Variants in SMARCAL1 observed in about 807,000 individuals in gnomAD.
SMARCAL1 encodes the protein ATP-driven annealing helicase.
SMARCAL1 carries 58 observed loss-of-function variants against 94.5 expected under a neutral mutation model. The observed-to-expected ratio is 0.61, with a 90% confidence interval of 0.50 to 0.76. The LOEUF (loss-of-function observed/expected upper bound fraction) is 0.76. Among genes scored for constraint, SMARCAL1 ranks in the 30% least tolerant of loss-of-function variants. The pLI is 0.00. For synonymous variants in SMARCAL1, 422 were observed against 455.1 expected (o/e 0.93, Z 0.93); for missense variants, 1,051 against 1,177.9 (o/e 0.89, Z 1.58).
intron 10 of SMARCAL1, among the ~76,000 whole-genome samples, chr2:216,440,608 C>T (rs756751175): frequency 3.9e-5 from 6 of 152,168 alleles, no homozygotes; most frequent in South Asian, 2.1e-4. Flanking sequence ...CACGCTCTTC[C>T]GCAACGTTGA....
intron 10 of SMARCAL1, among the ~76,000 whole-genome samples, chr2:216,439,015 T>G (rs573847061): frequency 1.3e-5 from 2 of 152,266 alleles, no homozygotes; most frequent in African/African-American, 4.8e-5. Flanking sequence ...CGAGATACAC[T>G]GGCAAAGCTA....
At position 216,414,651 on chromosome 2, in the gene SMARCAL1, T is replaced by C. The variant is rs888871114; in HGVS notation, c.-54T>C. On this transcript the variant is annotated 5_prime_UTR_variant, in exon 3 of 18. Coordinates refer to ENST00000357276, the MANE Select transcript of SMARCAL1 (RefSeq NM_014140.4). ...TCTTCTTACTTTCTTCCACAGCTTT[T>C]GCCAACTTTCCAATTAAAGGTTGAC... 27 of 1,495,636 alleles carry C rather than the reference T, an allele frequency of 1.8e-5. No individual in the cohort carries two copies. The highest frequency in any genetic ancestry group is 1.0e-4 in the Admixed American group (6 of 59,724). The allele number at this position is 1,495,636 out of a possible 1,614,324, so 92.6% of individuals were successfully genotyped here.
rs16856144 is a variant in SMARCAL1, at chr2:216,438,741, C to T, written c.1710+256C>T. ...AGTGCTGCCTTTGTCTCTCGAAGGT[C>T]AAGACTGTTGAGGCTGGGTGGGCAT... is the stretch of plus-strand genomic sequence containing the variant. On this transcript the variant is annotated intron_variant, in intron 10 of 17. Transcript: ENST00000357276. 9.4e-3 allele frequency among the ~76,000 whole-genome samples: 1,437 copies of T among 152,192 alleles called. 34 individuals are homozygous for T. Among genetic ancestry groups the T allele is most frequent in the African/African-American group, 0.033 (1,357 of 41,522 alleles).
intron 1 of SMARCAL1, among the ~76,000 whole-genome samples, chr2:216,413,591 T>G (rs2106013035): frequency 6.6e-6 from 1 of 152,368 alleles, no homozygotes; most frequent in Admixed American, 6.5e-5. Flanking sequence ...CAGAGTAATT[T>G]TATTCTTTTT....
chr2:216,442,384 T>G (rs2106044766), intron 10 of SMARCAL1, among the ~76,000 whole-genome samples: 1 of 136,692 alleles, frequency 7.3e-6, no homozygotes, highest in Non-Finnish European at 1.5e-5. Context: ...ACCACTGCAC[T>G]CCAGCCTGAG....
intron 7 of SMARCAL1, among the ~76,000 whole-genome samples, chr2:216,431,010 T>C (rs1386251737): frequency 6.6e-6 from 1 of 152,222 alleles, no homozygotes; most frequent in Non-Finnish European, 1.5e-5. Context: ...CTCGGCTCCG[T>C]TCCTCCCCAG....
intron 4 of SMARCAL1, among the ~76,000 whole-genome samples, chr2:216,419,642 G>A (rs544279254): frequency 1.3e-4 from 20 of 152,202 alleles, no homozygotes; most frequent in African/African-American, 2.6e-4. Context: ...TGGCTTCTCC[G>A]ACACCGTGCC....
intron 14 of SMARCAL1, among the ~76,000 whole-genome samples, chr2:216,474,769 GA>G (rs1475982797): frequency 6.6e-6 from 1 of 151,774 alleles, no homozygotes; most frequent in Non-Finnish European, 1.5e-5. Context: ...AAAAGAAAAA[GA>G]AAAAAAATGT....
At chr2:216,477,419 T>G (rs536743746) in intron 16 of SMARCAL1, among the ~76,000 whole-genome samples, 1 of 152,326 alleles carries the variant, frequency 6.6e-6, no homozygotes, top group East Asian at 1.9e-4. Flanking sequence ...GGGTGCATGC[T>G]GAATCTTATA....
At chr2:216,415,601 A>T in intron 3 of SMARCAL1, 86 bp downstream of exon 3, 2 of 1,257,450 alleles carry the variant, frequency 1.6e-6, no homozygotes, top group Non-Finnish European at 2.3e-6. Flanking sequence ...ATAAATATTA[A>T]GAGAGTGCAT....
chr2:216,448,782 A>G (rs1422772454), intron 11 of SMARCAL1, among the ~76,000 whole-genome samples: 1 of 152,028 alleles, frequency 6.6e-6, no homozygotes, highest in Non-Finnish European at 1.5e-5. Context: ...TAGTGAGCCA[A>G]GGTCATGCCA....
chr2:216,428,350 G>A (rs1208850948), intron 6 of SMARCAL1, among the ~76,000 whole-genome samples: 1 of 152,138 alleles, frequency 6.6e-6, no homozygotes, highest in Non-Finnish European at 1.5e-5. Flanking sequence ...AAAATCAGGT[G>A]AGACTACATT....
chr2:216,421,710 A>C (rs929179875), intron 5 of SMARCAL1, among the ~76,000 whole-genome samples: 24 of 152,122 alleles, frequency 1.6e-4, no homozygotes, highest in South Asian at 2.1e-4. Flanking sequence ...TTTTTTAAAA[A>C]CGATGTAGTT....
At chr2:216,426,210 C>T (rs539028694) in intron 6 of SMARCAL1, among the ~76,000 whole-genome samples, 1 of 152,220 alleles carries the variant, frequency 6.6e-6, no homozygotes, top group Non-Finnish European at 1.5e-5. Context: ...CTTTCCTTCT[C>T]GCTTTTGTCT....
At chr2:216,441,394 A>G (rs1694193593) in intron 10 of SMARCAL1, among the ~76,000 whole-genome samples, 1 of 152,230 alleles carries the variant, frequency 6.6e-6, no homozygotes, top group Non-Finnish European at 1.5e-5. Flanking sequence ...ATATAAATAT[A>G]TGAAAGTAGA....
chr2:216,436,831 A>G (rs1574459711), intron 9 of SMARCAL1, among the ~76,000 whole-genome samples: 1 of 152,156 alleles, frequency 6.6e-6, no homozygotes, highest in Non-Finnish European at 1.5e-5. Flanking sequence ...TATCCTTGTG[A>G]ATTATCCATT....
chr2:216,461,685 C>T (rs1304167827), intron 12 of SMARCAL1, among the ~76,000 whole-genome samples: 1 of 152,030 alleles, frequency 6.6e-6, no homozygotes, highest in African/African-American at 2.4e-5. Context: ...AAAAAATTAG[C>T]TGGGCGTGGT....
At chr2:216,431,075 G>A (rs2106031637) in intron 7 of SMARCAL1, among the ~76,000 whole-genome samples, 1 of 152,364 alleles carries the variant, frequency 6.6e-6, no homozygotes, top group Non-Finnish European at 1.5e-5. Flanking sequence ...CCTCTCCTAG[G>A]CAGGCCCCCG....
intron 10 of SMARCAL1, 107 bp from the exon 11 acceptor site, chr2:216,446,911 G>A (rs1396260268): frequency 3.1e-5 from 41 of 1,308,504 alleles, no homozygotes; most frequent in South Asian, 2.8e-4. Context: ...CGACACGCAC[G>A]CGGTCTTTTT....
Sources: allele counts gnomAD v4.1 joint callset (sites outside exome capture counted in the v4.1 genomes callset), GRCh38; gene constraint gnomAD v4.1.1; transcripts MANE v1.5; gene names NCBI Gene and HGNC (gene_info 2026-07-23, HGNC 2026-07-21).